The following SLC27A2 variants were observed in gnomAD, a reference collection of about 807,000 sequenced individuals.
SLC27A2 encodes solute carrier family 27 member 2.
Under a neutral mutation model 60.0 loss-of-function variants are expected in SLC27A2, and 54 were observed. The observed-to-expected ratio is 0.90, with a 90% CI of 0.72 to 1.13. SLC27A2 has a LOEUF of 1.13. SLC27A2 is among the 50% of genes most tolerant of loss of function. The pLI is 0.00. For missense variants in SLC27A2, 739 were observed against 777.6 expected, an observed-to-expected ratio of 0.95 and a Z score of 0.59; for synonymous variants, 297 against 297.6, an observed-to-expected ratio of 1.00 and a Z score of 0.02.
At chr15:50,234,080 G>A in intron 9 of SLC27A2, 82 bp downstream of exon 9, 1 of 1,351,264 alleles carries the variant, frequency 7.4e-7, no homozygotes, top group Non-Finnish European at 1.0e-6. Context: ...CTTCTCCCAG[G>A]ATGACTACAT....
rs1317340120 is a variant in SLC27A2, at chr15:50,196,069, AAAAAAAAAATATATATATATATATAT to A, written c.479-1429_479-1404del. Among the ~76,000 whole-genome samples, 9 of 26,952 alleles carry A rather than the reference AAAAAAAAAATATATATATATATATAT, an allele frequency of 3.3e-4. 1 individual carries two copies. Among genetic ancestry groups the A allele is most frequent in the African/African-American group, 8.4e-4 (8 of 9,478 alleles). The allele number at this position is 26,952 out of a possible 152,430, so 17.7% of individuals were successfully genotyped here. A position where few individuals can be genotyped will look rare whatever the true frequency, so the allele number is the denominator to read the frequency against. The stretch of plus-strand genomic sequence containing the variant: ...ACTCTGTCTCAAAAAAAAAAAAAAA[AAAAAAAAAATATATATATATATATAT>A]ATATATATATATATATATATATATA... On this transcript the variant is annotated intron_variant, in intron 1 of 9. Transcript: ENST00000267842.
intron 4 of SLC27A2, among the ~76,000 whole-genome samples, chr15:50,221,283 C>G (rs956005995): frequency 6.6e-6 from 1 of 151,992 alleles, no homozygotes; most frequent in East Asian, 1.9e-4. Context: ...CAGGCAGCTC[C>G]CCCAGACACC....
chr15:50,195,680 C>T (rs990860084), intron 1 of SLC27A2, among the ~76,000 whole-genome samples: 2 of 151,754 alleles, frequency 1.3e-5, no homozygotes, highest in Non-Finnish European at 2.9e-5. Flanking sequence ...ATGCATCTAT[C>T]CCGGTGATAT....
chr15:50,196,364 TA>T (rs1489267412), intron 1 of SLC27A2, among the ~76,000 whole-genome samples: 1 of 151,808 alleles, frequency 6.6e-6, no homozygotes, highest in African/African-American at 2.4e-5. Context: ...CCTGTTCATC[TA>T]TTAGGAATAA....
intron 1 of SLC27A2, among the ~76,000 whole-genome samples, chr15:50,194,149 A>G (rs1595681293): frequency 6.6e-6 from 1 of 152,170 alleles, no homozygotes. Context: ...CTGTCTCTAA[A>G]GAAAAATTAA....
At chr15:50,212,609 G>T (rs188761118) in intron 4 of SLC27A2, among the ~76,000 whole-genome samples, 1 of 152,202 alleles carries the variant, frequency 6.6e-6, no homozygotes, top group South Asian at 2.1e-4. Context: ...AACCCTACAA[G>T]CTAGAAGGGA....
chr15:50,210,389 G>A (rs144404416), intron 4 of SLC27A2, among the ~76,000 whole-genome samples: 2 of 152,318 alleles, frequency 1.3e-5, no homozygotes, highest in Non-Finnish European at 2.9e-5. Context: ...CTGAAGGTCT[G>A]TTTGTAGAAC....
intron 3 of SLC27A2, 59 bp downstream of exon 3, chr15:50,202,704 A>G (rs1316898505): frequency 1.1e-5 from 17 of 1,575,838 alleles, no homozygotes; most frequent in Non-Finnish European, 1.5e-5. Flanking sequence ...CCCAGAAGGA[A>G]CAGTAATACA....
chr15:50,215,130 A>AGATTAAT (rs1185025254), intron 4 of SLC27A2, among the ~76,000 whole-genome samples: 1 of 152,200 alleles, frequency 6.6e-6, no homozygotes, highest in Non-Finnish European at 1.5e-5. Context: ...TCCAGATACA[A>AGATTAAT]GATTAATGTA....
At chr15:50,188,061 T>C (rs185587150) in intron 1 of SLC27A2, among the ~76,000 whole-genome samples, 1 of 151,884 alleles carries the variant, frequency 6.6e-6, no homozygotes, top group Admixed American at 6.6e-5. Context: ...ATGAATTAGT[T>C]CAAGGATCTT....
intron 3 of SLC27A2, among the ~76,000 whole-genome samples, chr15:50,203,744 C>G (rs2045085009): frequency 1.3e-5 from 2 of 152,044 alleles, no homozygotes; most frequent in African/African-American, 4.8e-5. Context: ...ATGGTATTAG[C>G]AGGTAGGGCC....
At position 50,197,628 on chromosome 15, in the gene SLC27A2, A is replaced by G. The variant is rs753612654; in HGVS notation, c.607A>G (p.Thr203Ala). Reference sequence around the variant, plus strand: ...CCTGGACAAAGTGGATGAAGTATCAACTGAACCTATCCCAGAGTCATGGAG... The same window carrying G: ...CCTGGACAAAGTGGATGAAGTATCAGCTGAACCTATCCCAGAGTCATGGAG... ...SFLDKVDEVS[T>A]EPIPESWRSE... The change falls in exon 2 of 10, where the codon ACT becomes GCT. Residue 203 changes from threonine (T) to alanine (A), a missense_variant. Physicochemically the swap from Thr to Ala is moderately conservative, Grantham distance 58 (BLOSUM62 0). Coordinates refer to ENST00000267842, the MANE Select transcript of SLC27A2 (RefSeq NM_003645.4). The G allele has an allele frequency of 2.6e-5, 42 of 1,614,046 alleles. No homozygotes were observed. The highest frequency in any genetic ancestry group is 8.9e-5 in the East Asian group (4 of 44,882).
At chr15:50,188,250 C>T (rs2044941668) in intron 1 of SLC27A2, among the ~76,000 whole-genome samples, 2 of 152,128 alleles carry the variant, frequency 1.3e-5, no homozygotes, top group South Asian at 4.2e-4. Context: ...GCATTCCAGG[C>T]AAAAGGAGCA....
chr15:50,215,600 C>T lies in SLC27A2; in HGVS notation c.973-7365C>T, dbSNP rs1428350641. On this transcript the variant is annotated intron_variant, in intron 4 of 9. Transcript: ENST00000267842. ...CCATAGTCACCAAAACAGCATGGTA[C>T]TGGTATAAAAACAGGCATGTAGACC... 2.6e-5 allele frequency among the ~76,000 whole-genome samples: 4 copies of T among 152,258 alleles called. No individual in the cohort carries two copies. In the East Asian group the frequency reaches 7.7e-4, roughly 29 times the overall value.
intron 6 of SLC27A2, 43 bp downstream of exon 6, chr15:50,226,121 C>G: frequency 8.1e-7 from 1 of 1,238,944 alleles, no homozygotes; most frequent in Non-Finnish European, 1.2e-6. Flanking sequence ...CCCTTCTTAT[C>G]TTGATCAAGT....
chr15:50,190,218 T>G (rs1469880750), intron 1 of SLC27A2, among the ~76,000 whole-genome samples: 2 of 152,234 alleles, frequency 1.3e-5, no homozygotes, highest in Non-Finnish European at 2.9e-5. Flanking sequence ...TAGGAACTAT[T>G]TTTAGGTTGT....
chr15:50,226,003 G>T lies in SLC27A2; in HGVS notation c.1183G>T (p.Asp395Tyr). The stretch of plus-strand genomic sequence containing the variant: ...ATCTTGCTAGAAAATCATAACTTAT[G>T]ACCTGATTAAATATGATGTGGAGAA... ...NYLQKKIITY[D>Y]LIKYDVEKDE... is the part of the protein sequence containing the mutation. The change falls in exon 6 of 10, where the codon GAC becomes TAC. Residue 395 changes from aspartate (D) to tyrosine (Y), a missense_variant. Coordinates refer to ENST00000267842, the MANE Select transcript of SLC27A2 (RefSeq NM_003645.4). 2 of 1,594,780 alleles carry T rather than the reference G, an allele frequency of 1.3e-6. No individual in the cohort carries two copies. The highest frequency in any genetic ancestry group is 1.7e-6 in the Non-Finnish European group (2 of 1,162,458).
intron 5 of SLC27A2, 73 bp downstream of exon 5, chr15:50,223,232 TG>T: frequency 8.9e-7 from 1 of 1,124,778 alleles, no homozygotes; most frequent in South Asian, 1.5e-5. Flanking sequence ...AGCCAAGTCA[TG>T]ATGATGTTAT....
chr15:50,202,064 G>C (rs2045068656), intron 2 of SLC27A2, among the ~76,000 whole-genome samples: 2 of 152,162 alleles, frequency 1.3e-5, no homozygotes, highest in South Asian at 4.1e-4. Flanking sequence ...CCACAGGGCA[G>C]AAATTCAATG....
Sources: gnomAD v4.1 joint callset for allele counts (sites outside exome capture counted in the v4.1 genomes callset) on GRCh38, gnomAD v4.1.1 for gene constraint, MANE v1.5 for transcripts, NCBI Gene and HGNC (gene_info 2026-07-23, HGNC 2026-07-21) for gene names.